SLC26A5: variants seen among roughly 807,000 people sequenced by gnomAD.
The protein encoded by SLC26A5 is prestin.
A neutral mutation model predicts 81.0 loss-of-function variants in SLC26A5; 51 were observed. The observed-to-expected ratio is 0.63, with a 90% confidence interval of 0.50 to 0.80. SLC26A5 has a LOEUF of 0.80. Among genes scored for constraint, SLC26A5 ranks in the 30% least tolerant of loss-of-function variants. SLC26A5 has a pLI of 0.00. For synonymous variants in SLC26A5, 325 were observed against 332.8 expected (o/e 0.98, Z 0.25); for missense variants, 771 against 905.8 (o/e 0.85, Z 1.91).
intron 2 of SLC26A5, among the ~76,000 whole-genome samples, chr7:103,442,662 C>T (rs991748053): frequency 6.6e-6 from 1 of 152,196 alleles, no homozygotes; most frequent in Admixed American, 6.5e-5. Context: ...AAAACACCCT[C>T]ATTTTATACG....
chr7:103,414,207 A>G (rs1427198311), intron 4 of SLC26A5, among the ~76,000 whole-genome samples: 1 of 122,540 alleles, frequency 8.2e-6, no homozygotes, highest in East Asian at 2.8e-4. Flanking sequence ...TTTTTTTAAG[A>G]CAGGGTCTTG....
intron 14 of SLC26A5, among the ~76,000 whole-genome samples, chr7:103,382,372 CG>C (rs1451336296): frequency 4.2e-5 from 4 of 95,340 alleles, no homozygotes; most frequent in Non-Finnish European, 7.7e-5. Flanking sequence ...TTTTTTGAGG[CG>C]GAGTCTTATC....
chr7:103,434,030 A>G (rs1197526754), intron 2 of SLC26A5, among the ~76,000 whole-genome samples: 2 of 152,082 alleles, frequency 1.3e-5, no homozygotes, highest in African/African-American at 4.8e-5. Flanking sequence ...CCTGGTGAAC[A>G]TCTGTCAACC....
intron 2 of SLC26A5, among the ~76,000 whole-genome samples, chr7:103,430,788 T>C (rs993535784): frequency 1.3e-5 from 2 of 152,210 alleles, no homozygotes; most frequent in Non-Finnish European, 2.9e-5. Flanking sequence ...AGAGGTCAAG[T>C]AGGATCAGAT....
chr7:103,375,589 A>T (rs76897559), intron 19 of SLC26A5, among the ~76,000 whole-genome samples: 7,490 of 152,154 alleles, frequency 0.049, 576 homozygotes, highest in African/African-American at 0.17. Context: ...AGCACTTTTT[A>T]AAATTATTAT....
chr7:103,418,792 T>C (rs1234371174), intron 4 of SLC26A5, among the ~76,000 whole-genome samples: 3 of 152,170 alleles, frequency 2.0e-5, no homozygotes, highest in African/African-American at 4.8e-5. Context: ...CATGAGCTGC[T>C]GTCACCTCTA....
At position 103,364,096 on chromosome 7, in the gene SLC26A5, TTTG is replaced by T. The variant is rs1325596492; in HGVS notation, c.2042-11173_2042-11171del. ...TTGTTGATTTAGAAGTAGTCTGATT[TTTG>T]TTATACAGAAGTGGTAAGTGTGAAA... On this transcript the variant is annotated intron_variant, in intron 19 of 19. Transcript: ENST00000339444. The T allele has an allele frequency of 8.3e-6, 13 of 1,564,060 alleles. No individual in the cohort carries two copies. In the Admixed American group the frequency reaches 2.1e-4, roughly 25 times the overall value.
At chr7:103,379,648 GAA>G (rs1821631242) in intron 15 of SLC26A5, among the ~76,000 whole-genome samples, 1 of 152,046 alleles carries the variant, frequency 6.6e-6, no homozygotes. Context: ...AGAAGAAACT[GAA>G]AAATACTCAA....
intron 2 of SLC26A5, 24 bp from the exon 3 acceptor site, chr7:103,421,591 AT>A: frequency 6.7e-7 from 1 of 1,497,378 alleles, no homozygotes. Flanking sequence ...GAAAAACTCC[AT>A]TTTACTTGCC....
chr7:103,390,647 T>C (rs976609843), intron 11 of SLC26A5, 141 bp from the exon 12 acceptor site: 40 of 747,666 alleles, frequency 5.3e-5, no homozygotes, highest in Admixed American at 3.0e-4. Context: ...AACCACTACA[T>C]AACCTATAGC....
chr7:103,416,040 C>T (rs1824882384), intron 4 of SLC26A5, among the ~76,000 whole-genome samples: 1 of 152,130 alleles, frequency 6.6e-6, no homozygotes, highest in African/African-American at 2.4e-5. Flanking sequence ...ATATTTATTC[C>T]AGCTATCACA....
chr7:103,379,365 A>T (rs756736317), intron 15 of SLC26A5, 30 bp from the exon 16 acceptor site: 2 of 1,398,272 alleles, frequency 1.4e-6, no homozygotes, highest in South Asian at 1.2e-5. Context: ...TGAATTTAAC[A>T]CATGGAAATA....
chr7:103,436,841 A>G (rs1406822864), intron 2 of SLC26A5, among the ~76,000 whole-genome samples: 1 of 152,222 alleles, frequency 6.6e-6, no homozygotes, highest in Admixed American at 6.5e-5. Flanking sequence ...CTGTAAATCT[A>G]CTAAAAGAAA....
intron 19 of SLC26A5, among the ~76,000 whole-genome samples, chr7:103,363,099 T>TTA (rs1820508094): frequency 6.6e-6 from 1 of 152,136 alleles, no homozygotes; most frequent in Non-Finnish European, 1.5e-5. Flanking sequence ...CGGCAGTATT[T>TTA]TATATATATA....
At chr7:103,379,641 A>C (rs1353809645) in intron 15 of SLC26A5, among the ~76,000 whole-genome samples, 1 of 152,238 alleles carries the variant, frequency 6.6e-6, no homozygotes, top group Non-Finnish European at 1.5e-5. Flanking sequence ...AACACAAAGA[A>C]GAAACTGAAA....
chr7:103,394,767 T>C (rs911669184), intron 9 of SLC26A5, among the ~76,000 whole-genome samples: 4 of 152,194 alleles, frequency 2.6e-5, no homozygotes, highest in African/African-American at 9.6e-5. Flanking sequence ...TCCCCAAATC[T>C]AGATGGGGAA....
Position 103,411,611 on chromosome 7 carries a change from C to A in SLC26A5, c.404-25G>T, listed in dbSNP as rs141664244. 2.1e-4 allele frequency: 344 copies of A among 1,613,656 alleles called. 3 individuals carry two copies. The East Asian group carries it at 7.5e-3, about 35-fold the overall frequency. On this transcript the variant is annotated intron_variant, in intron 5 of 19. Coordinates refer to ENST00000306312, the MANE Select transcript of SLC26A5 (RefSeq NM_198999.3). ...CCTGAAATAATGAAGCATGAAGATC[C>A]CTGTTCAGGGTTCAGAGTATCTGAT...
At chr7:103,428,526 G>A (rs966183402) in intron 2 of SLC26A5, among the ~76,000 whole-genome samples, 3 of 145,830 alleles carry the variant, frequency 2.1e-5, no homozygotes, top group African/African-American at 5.0e-5. Context: ...TTATTATTTT[G>A]TGATAAGAAC....
At chr7:103,397,266 G>A (rs1205225261) in intron 9 of SLC26A5, among the ~76,000 whole-genome samples, 2 of 151,954 alleles carry the variant, frequency 1.3e-5, no homozygotes, top group Non-Finnish European at 2.9e-5. Context: ...AATTAGCCGG[G>A]TGTGGTGGCT....
Sources: allele counts gnomAD v4.1 joint callset (sites outside exome capture counted in the v4.1 genomes callset), GRCh38; gene constraint gnomAD v4.1.1; transcripts MANE v1.5; gene names NCBI Gene and HGNC (gene_info 2026-07-23, HGNC 2026-07-21).